Variants in GULP1 observed in about 807,000 individuals in gnomAD.
GULP1 encodes PTB domain-containing engulfment adapter protein 1.
GULP1 carries 19 observed loss-of-function variants against 40.9 expected under a neutral mutation model. The observed-to-expected ratio is 0.46, with a 90% confidence interval of 0.32 to 0.68. The LOEUF (loss-of-function observed/expected upper bound fraction) is 0.68. Ranked by LOEUF, GULP1 falls within the 30% of genes least tolerant of loss-of-function variation. The probability of loss-of-function intolerance (pLI) is 0.03; values close to 1 mark genes in which losing one functional copy is unlikely to be tolerated. For missense variants in GULP1, 312 were observed against 362.2 expected (o/e 0.86, Z 1.12); for synonymous variants, 119 against 117.6 (o/e 1.01, Z -0.08).
At chr2:188,524,248 A>C (rs1306165951) in intron 5 of GULP1, among the ~76,000 whole-genome samples, 2 of 152,204 alleles carry the variant, frequency 1.3e-5, no homozygotes, top group Non-Finnish European at 2.9e-5. Context: ...GAATAGATCA[A>C]ATGTAAAGAT....
In GULP1 at chr2:188,308,356, G is replaced by T. The variant is rs139836266; in HGVS notation, c.-172+16190G>T. The stretch of plus-strand genomic sequence containing the variant: ...TGTACATGGGAAAGTAATTATCACA[G>T]AAAAATGTTTTAGAAAATAATTTTC... On this transcript the variant is annotated intron_variant, in intron 1 of 11. Transcript: ENST00000409830. Among the ~76,000 whole-genome samples the T allele has an allele frequency of 2.1e-3, 313 of 152,038 alleles. 1 individual carries two copies. The highest frequency in any genetic ancestry group is 7.1e-3 in the African/African-American group (294 of 41,472).
chr2:188,531,522 T>C (rs1488477361), intron 6 of GULP1, among the ~76,000 whole-genome samples: 1 of 152,194 alleles, frequency 6.6e-6, no homozygotes, highest in East Asian at 1.9e-4. Flanking sequence ...TAATCTTCTC[T>C]ATTATTCACC....
intron 6 of GULP1, among the ~76,000 whole-genome samples, chr2:188,536,996 T>C (rs1689110714): frequency 6.6e-6 from 1 of 152,102 alleles, no homozygotes. Context: ...ATGTTATTGG[T>C]ATACAGAAAT....
chr2:188,513,281 A>G (rs2064793053), intron 4 of GULP1, among the ~76,000 whole-genome samples: 1 of 152,288 alleles, frequency 6.6e-6, no homozygotes, highest in South Asian at 2.1e-4. Flanking sequence ...ATCAATGACT[A>G]CATCTTACCT....
intron 1 of GULP1, among the ~76,000 whole-genome samples, chr2:188,375,345 G>A (rs937843619): frequency 9.9e-5 from 15 of 152,166 alleles, no homozygotes; most frequent in African/African-American, 3.1e-4. Context: ...ACTGAAATTT[G>A]CCTTTAAATA....
chr2:188,379,420 A>T (rs891763156), intron 1 of GULP1, among the ~76,000 whole-genome samples: 10 of 152,184 alleles, frequency 6.6e-5, no homozygotes, highest in Non-Finnish European at 1.5e-4. Flanking sequence ...GTCTGGTTCT[A>T]TTCCTATATA....
chr2:188,521,206 T>G (rs533039759), intron 4 of GULP1, among the ~76,000 whole-genome samples: 1 of 152,274 alleles, frequency 6.6e-6, no homozygotes, highest in South Asian at 2.1e-4. Flanking sequence ...TATATAGAAT[T>G]TTTTCTAGAA....
chr2:188,368,946 T>C (rs1559158891), intron 1 of GULP1, among the ~76,000 whole-genome samples: 1 of 43,560 alleles, frequency 2.3e-5, no homozygotes, highest in African/African-American at 2.0e-4. Flanking sequence ...TGTGTATATA[T>C]ATATATATAT....
At chr2:188,521,607 A>G (rs901670614) in intron 4 of GULP1, among the ~76,000 whole-genome samples, 2 of 152,080 alleles carry the variant, frequency 1.3e-5, no homozygotes, top group Non-Finnish European at 2.9e-5. Flanking sequence ...ATCAGATCTC[A>G]TGAGACTTAC....
intron 2 of GULP1, among the ~76,000 whole-genome samples, chr2:188,410,189 T>TA (rs879323865): frequency 1.0e-4 from 15 of 150,646 alleles, no homozygotes; most frequent in South Asian, 4.2e-4. Context: ...CATACAAAAA[T>TA]AAAAAAAAAC....
chr2:188,576,401 A>G (rs1700191710), intron 9 of GULP1, among the ~76,000 whole-genome samples: 1 of 152,142 alleles, frequency 6.6e-6, no homozygotes, highest in Non-Finnish European at 1.5e-5. Flanking sequence ...AAATTAAGAC[A>G]TCCCTAACAA....
intron 2 of GULP1, among the ~76,000 whole-genome samples, chr2:188,407,235 A>G (rs1016373180): frequency 5.3e-5 from 8 of 152,244 alleles, no homozygotes; most frequent in Admixed American, 2.6e-4. Context: ...CACCAGACCT[A>G]TCTTACAAGA....
At chr2:188,555,999 A>G (rs990094889) in intron 7 of GULP1, among the ~76,000 whole-genome samples, 1 of 151,768 alleles carries the variant, frequency 6.6e-6, no homozygotes, top group Non-Finnish European at 1.5e-5. Flanking sequence ...CAGAGGTTGC[A>G]GTGAGCTAAG....
chr2:188,430,715 G>A (rs1474177386), intron 2 of GULP1, among the ~76,000 whole-genome samples: 1 of 152,108 alleles, frequency 6.6e-6, no homozygotes, highest in Non-Finnish European at 1.5e-5. Context: ...CCTCCATGTG[G>A]ATCCTAGAAA....
chr2:188,536,620 G>A (rs761164897), intron 6 of GULP1, among the ~76,000 whole-genome samples: 2 of 152,014 alleles, frequency 1.3e-5, no homozygotes, highest in Non-Finnish European at 2.9e-5. Context: ...GTAATGTGAT[G>A]CCTCCAGATT....
intron 4 of GULP1, among the ~76,000 whole-genome samples, chr2:188,505,716 G>T (rs2063839300): frequency 6.6e-6 from 1 of 151,746 alleles, no homozygotes; most frequent in Middle Eastern, 3.2e-3. Context: ...TCACAACCAA[G>T]AAGTTAAATG....
chr2:188,474,738 A>G (rs1219940804), intron 2 of GULP1, among the ~76,000 whole-genome samples: 1 of 152,074 alleles, frequency 6.6e-6, no homozygotes, highest in Non-Finnish European at 1.5e-5. Flanking sequence ...TTGTTTGGAT[A>G]GTTGTTAAAT....
intron 2 of GULP1, among the ~76,000 whole-genome samples, chr2:188,459,142 G>A (rs925466730): frequency 1.3e-5 from 2 of 152,186 alleles, no homozygotes; most frequent in Non-Finnish European, 1.5e-5. Context: ...TGTGAACAGA[G>A]CTGCAACAAA....
intron 2 of GULP1, among the ~76,000 whole-genome samples, chr2:188,401,489 A>C (rs2152644605): frequency 6.6e-6 from 1 of 152,262 alleles, no homozygotes; most frequent in Middle Eastern, 3.4e-3. Flanking sequence ...AATTTTTATA[A>C]GTTGTTAGCA....
Sources: gnomAD v4.1 joint callset for allele counts (sites outside exome capture counted in the v4.1 genomes callset) on GRCh38, gnomAD v4.1.1 for gene constraint, MANE v1.5 for transcripts, NCBI Gene and HGNC (gene_info 2026-07-23, HGNC 2026-07-21) for gene names.